DLG2: variants seen among roughly 807,000 people sequenced by gnomAD.
The protein encoded by DLG2 is disks large homolog 2.
DLG2 carries 45 observed loss-of-function variants against 132.5 expected under a neutral mutation model. That is an observed-to-expected ratio of 0.34 (90% CI 0.27 to 0.44). The LOEUF is 0.44. DLG2 is among the 20% of genes least tolerant of loss of function. The pLI, the probability that DLG2 is intolerant of heterozygous loss-of-function variation, is 1.00. For synonymous variants in DLG2, 424 were observed against 419.6 expected, an observed-to-expected ratio of 1.01 and a Z score of -0.13; for missense variants, 1,045 against 1,196.9, an observed-to-expected ratio of 0.87 and a Z score of 1.87.
intron 6 of DLG2, among the ~76,000 whole-genome samples, chr11:84,641,742 T>G (rs2099666549): frequency 6.6e-6 from 1 of 152,126 alleles, no homozygotes; most frequent in African/African-American, 2.4e-5. Flanking sequence ...ATAATAACAG[T>G]ACCTAACTCA....
At chr11:83,806,871 AG>A (rs959313852) in intron 17 of DLG2, among the ~76,000 whole-genome samples, 1 of 152,170 alleles carries the variant, frequency 6.6e-6, no homozygotes, top group African/African-American at 2.4e-5. Context: ...TAGAAAAGAA[AG>A]TATAAGCGAG....
intron 9 of DLG2, among the ~76,000 whole-genome samples, chr11:84,152,935 A>C (rs1413514721): frequency 6.6e-6 from 1 of 152,188 alleles, no homozygotes; most frequent in East Asian, 1.9e-4. Context: ...TAGTTGCCCT[A>C]TAGGGTCTGT....
intron 7 of DLG2, among the ~76,000 whole-genome samples, chr11:84,426,773 A>G (rs757339366): frequency 2.0e-5 from 3 of 152,298 alleles, no homozygotes; most frequent in Admixed American, 2.0e-4. Context: ...TGAGTCATTC[A>G]GCACATAATA....
At chr11:84,405,544 T>TTAA (rs1237293953) in intron 7 of DLG2, among the ~76,000 whole-genome samples, 1 of 152,194 alleles carries the variant, frequency 6.6e-6, no homozygotes, top group African/African-American at 2.4e-5. Context: ...CATTCCATAT[T>TTAA]TAATATCTAA....
Position 84,954,076 on chromosome 11 carries a change from T to C in DLG2, c.357+157585A>G, listed in dbSNP as rs553113948. Among the ~76,000 whole-genome samples, 3 of 152,204 alleles carry C rather than the reference T, an allele frequency of 2.0e-5. No individual in the cohort carries two copies. The South Asian group carries it at 6.2e-4, about 32-fold the overall frequency. ...ATTTTATTGCTCTTCCCCTCACTAT[T>C]AGGATTGGGATTTATGTCAGTCTTG... is the stretch of plus-strand genomic sequence containing the variant. On this transcript the variant is annotated intron_variant, in intron 6 of 27. Transcript: ENST00000376104.
In DLG2 at chr11:85,234,973, C is replaced by A. The variant is rs114247733; in HGVS notation, c.186+50247G>T. Among the ~76,000 whole-genome samples, 304 of 152,048 alleles carry A rather than the reference C, an allele frequency of 2.0e-3. 1 individual carries two copies. The highest frequency in any genetic ancestry group is 7.1e-3 in the African/African-American group (294 of 41,534). Reference sequence around the variant, plus strand: ...ATCGTGTTACTATATATGCATCTATCTCTCTATATAATCATTCAGTTTCAC... The same window carrying A: ...ATCGTGTTACTATATATGCATCTATATCTCTATATAATCATTCAGTTTCAC... On this transcript the variant is annotated intron_variant, in intron 4 of 27. Transcript: ENST00000376104.
At chr11:85,593,432 AC>A (rs1327192115) in intron 3 of DLG2, among the ~76,000 whole-genome samples, 1 of 152,206 alleles carries the variant, frequency 6.6e-6, no homozygotes, top group Non-Finnish European at 1.5e-5. Flanking sequence ...TAGGGTGAGA[AC>A]CAAGAATTTG....
chr11:83,797,514 TTTTG>T (rs1452609359), intron 17 of DLG2, among the ~76,000 whole-genome samples: 1 of 151,442 alleles, frequency 6.6e-6, no homozygotes, highest in Admixed American at 6.6e-5. Context: ...TTTTTTTTTG[TTTTG>T]TTTTTGTTTT....
intron 17 of DLG2, among the ~76,000 whole-genome samples, chr11:83,817,925 C>T (rs533423859): frequency 1.4e-4 from 21 of 152,274 alleles, no homozygotes; most frequent in African/African-American, 4.1e-4. Flanking sequence ...AACTAACATA[C>T]GTTTAGTCAT....
At chr11:85,578,405 CT>C (rs1432113692) in intron 3 of DLG2, among the ~76,000 whole-genome samples, 3 of 152,098 alleles carry the variant, frequency 2.0e-5, no homozygotes, top group Non-Finnish European at 4.4e-5. Context: ...TCTAATTAAA[CT>C]AGAGAGCTTC....
At chr11:85,265,366 T>C (rs1595809087) in intron 4 of DLG2, among the ~76,000 whole-genome samples, 1 of 152,286 alleles carries the variant, frequency 6.6e-6, no homozygotes, top group Middle Eastern at 3.4e-3. Flanking sequence ...TAAAGGCAAA[T>C]TTTTTTATAT....
At chr11:84,403,038 G>A (rs2098836234) in intron 7 of DLG2, among the ~76,000 whole-genome samples, 1 of 151,810 alleles carries the variant, frequency 6.6e-6, no homozygotes, top group African/African-American at 2.4e-5. Context: ...GTGGTATAAA[G>A]TGTTCTCAGA....
chr11:83,482,729 T>G (rs1357967346), intron 22 of DLG2, among the ~76,000 whole-genome samples: 1 of 152,134 alleles, frequency 6.6e-6, no homozygotes, highest in Non-Finnish European at 1.5e-5. Context: ...CTCCAGTAGC[T>G]TAAAATTTGC....
chr11:84,064,078 G>A (rs187048669), intron 10 of DLG2, among the ~76,000 whole-genome samples: 14 of 152,088 alleles, frequency 9.2e-5, no homozygotes, highest in Admixed American at 3.9e-4. Context: ...AAACCTGCAT[G>A]TTGTGCACAT....
chr11:84,255,198 G>A (rs1315026022), intron 7 of DLG2, among the ~76,000 whole-genome samples: 6 of 152,178 alleles, frequency 3.9e-5, no homozygotes, highest in Non-Finnish European at 7.3e-5. Flanking sequence ...TTACAGTCAA[G>A]AGAGGCTATG....
intron 6 of DLG2, among the ~76,000 whole-genome samples, chr11:85,086,737 A>G (rs2067980525): frequency 6.6e-6 from 1 of 152,174 alleles, no homozygotes; most frequent in Non-Finnish European, 1.5e-5. Context: ...AATCATCTAA[A>G]GGTCACGGGA....
intron 3 of DLG2, among the ~76,000 whole-genome samples, chr11:85,291,927 T>C (rs373585587): frequency 5.3e-5 from 8 of 152,274 alleles, no homozygotes; most frequent in Middle Eastern, 6.8e-3. Flanking sequence ...CGGTAAGATG[T>C]GCTTTAAGAC....
chr11:85,311,104 G>GTCC (rs2080286653), intron 3 of DLG2, among the ~76,000 whole-genome samples: 1 of 152,078 alleles, frequency 6.6e-6, no homozygotes, highest in South Asian at 2.1e-4. Context: ...ACAAACAAAC[G>GTCC]TAAGCAAAGA....
intron 8 of DLG2, among the ~76,000 whole-genome samples, chr11:84,165,657 T>TG (rs2095644399): frequency 6.6e-6 from 1 of 152,052 alleles, no homozygotes; most frequent in Admixed American, 6.6e-5. Context: ...CTCAGCACTT[T>TG]GGGAGGCTGA....
Sources: gnomAD v4.1 joint callset for allele counts (sites outside exome capture counted in the v4.1 genomes callset) on GRCh38, gnomAD v4.1.1 for gene constraint, MANE v1.5 for transcripts, NCBI Gene and HGNC (gene_info 2026-07-23, HGNC 2026-07-21) for gene names.